Variants in PDZRN3 observed in about 807,000 individuals in gnomAD.
PDZRN3 encodes the protein E3 ubiquitin-protein ligase PDZRN3.
PDZRN3 carries 38 observed loss-of-function variants against 85.7 expected under a neutral mutation model. That is an observed-to-expected ratio of 0.44 (90% confidence interval 0.34 to 0.58). The LOEUF (loss-of-function observed/expected upper bound fraction) is 0.58. Ranked by LOEUF, PDZRN3 falls within the 20% of genes least tolerant of loss-of-function variation. The probability of loss-of-function intolerance (pLI) is 0.01; values close to 1 mark genes in which losing one functional copy is unlikely to be tolerated. For missense variants in PDZRN3, 1,629 were observed against 1,506.4 expected (o/e 1.08, Z -1.35); for synonymous variants, 759 against 638.0 (o/e 1.19, Z -2.86).
intron 3 of PDZRN3, among the ~76,000 whole-genome samples, chr3:73,430,923 G>A (rs963385973): frequency 3.3e-5 from 5 of 152,150 alleles, no homozygotes; most frequent in Non-Finnish European, 7.3e-5. Flanking sequence ...ACAGGCTAAA[G>A]TTTTCCAAAT....
intron 3 of PDZRN3, among the ~76,000 whole-genome samples, chr3:73,425,532 A>G (rs963985111): frequency 2.0e-5 from 3 of 152,032 alleles, no homozygotes; most frequent in African/African-American, 7.2e-5. Context: ...CTGTGAGTTA[A>G]AAACAGGATT....
chr3:73,624,001 T>G, intron 1 of PDZRN3, 102 bp downstream of exon 1: 1 of 1,158,370 alleles, frequency 8.6e-7, no homozygotes, highest in Non-Finnish European at 1.1e-6. Flanking sequence ...AGCAAGGATG[T>G]TCCCGGGAAG....
intron 3 of PDZRN3, among the ~76,000 whole-genome samples, chr3:73,553,681 T>C (rs571215779): frequency 2.3e-4 from 35 of 152,128 alleles, no homozygotes; most frequent in Non-Finnish European, 4.1e-4. Context: ...AGCCCTCTAA[T>C]GTCACAGTGT....
intron 3 of PDZRN3, among the ~76,000 whole-genome samples, chr3:73,479,410 C>T (rs563331256): frequency 2.6e-5 from 4 of 151,300 alleles, no homozygotes; most frequent in African/African-American, 9.7e-5. Context: ...AAAGTGACTT[C>T]CCTTTTCACT....
At chr3:73,491,276 C>G (rs1559706152) in intron 3 of PDZRN3, among the ~76,000 whole-genome samples, 1 of 152,170 alleles carries the variant, frequency 6.6e-6, no homozygotes, top group Non-Finnish European at 1.5e-5. Context: ...CTATAAATGA[C>G]TCAATGGTTC....
intron 3 of PDZRN3, among the ~76,000 whole-genome samples, chr3:73,478,811 C>T (rs990815065): frequency 6.6e-6 from 1 of 152,104 alleles, no homozygotes; most frequent in Admixed American, 6.5e-5. Flanking sequence ...TTGCTTTTTT[C>T]TTCACTGCAT....
intron 3 of PDZRN3, among the ~76,000 whole-genome samples, chr3:73,513,441 A>G (rs1404350777): frequency 1.3e-5 from 2 of 152,162 alleles, no homozygotes. Context: ...CTAATTCTGG[A>G]TACATCAGGC....
rs538089058 is a variant in PDZRN3 at position 73,457,498 on chromosome 3, T to C, written c.919-53103A>G. On this transcript the variant is annotated intron_variant, in intron 3 of 9. Coordinates refer to ENST00000263666, the MANE Select transcript of PDZRN3 (RefSeq NM_015009.3). ...TTGTTGGGTTCCAGAGAGAACCAAC[T>C]CTGGGATATTGACAGCCATACTCCT... is the stretch of plus-strand genomic sequence containing the variant. 8.5e-5 allele frequency among the ~76,000 whole-genome samples: 13 copies of C among 152,208 alleles called. No individual in the cohort carries two copies. The South Asian group carries it at 2.3e-3, about 27-fold the overall frequency.
chr3:73,544,485 T>C (rs1249119911), intron 3 of PDZRN3, among the ~76,000 whole-genome samples: 1 of 152,188 alleles, frequency 6.6e-6, no homozygotes, highest in Non-Finnish European at 1.5e-5. Flanking sequence ...GGTATGCTAG[T>C]TGATATGATA....
intron 3 of PDZRN3, among the ~76,000 whole-genome samples, chr3:73,511,364 C>G (rs1575700327): frequency 1.3e-5 from 2 of 152,252 alleles, no homozygotes; most frequent in East Asian, 1.9e-4. Flanking sequence ...AAAGATCATC[C>G]TTTATAAAAC....
At chr3:73,462,816 T>G (rs145130055) in intron 3 of PDZRN3, among the ~76,000 whole-genome samples, 1 of 152,174 alleles carries the variant, frequency 6.6e-6, no homozygotes, top group Non-Finnish European at 1.5e-5. Context: ...TTAGCACATT[T>G]AACATTTGCA....
chr3:73,398,827 T>C (rs1196312747), intron 5 of PDZRN3, among the ~76,000 whole-genome samples: 2 of 152,220 alleles, frequency 1.3e-5, no homozygotes, highest in African/African-American at 2.4e-5. Context: ...TGGGATTTTC[T>C]ATTTAAGGCA....
intron 1 of PDZRN3, among the ~76,000 whole-genome samples, chr3:73,611,866 C>T (rs1702689860): frequency 6.6e-6 from 1 of 152,138 alleles, no homozygotes; most frequent in South Asian, 2.1e-4. Flanking sequence ...CCCATTTAAC[C>T]TGTTCCTAGG....
chr3:73,400,448 T>A (rs1305520164), intron 5 of PDZRN3, among the ~76,000 whole-genome samples: 2 of 152,352 alleles, frequency 1.3e-5, no homozygotes, highest in African/African-American at 4.8e-5. Flanking sequence ...GTTTAATTTC[T>A]TCTGTATCAA....
intron 1 of PDZRN3, among the ~76,000 whole-genome samples, chr3:73,622,077 C>A (rs1163047918): frequency 2.0e-5 from 3 of 152,210 alleles, no homozygotes; most frequent in Non-Finnish European, 2.9e-5. Context: ...GCATAAACAG[C>A]AGAAACTCGG....
At chr3:73,403,694 G>A (rs555892823) in intron 4 of PDZRN3, among the ~76,000 whole-genome samples, 1 of 152,146 alleles carries the variant, frequency 6.6e-6, no homozygotes, top group Admixed American at 6.5e-5. Flanking sequence ...ACTTAGATGA[G>A]GCATGTGCGG....
At chr3:73,536,388 T>C (rs1461088772) in intron 3 of PDZRN3, among the ~76,000 whole-genome samples, 1 of 152,248 alleles carries the variant, frequency 6.6e-6, no homozygotes, top group African/African-American at 2.4e-5. Context: ...CCAGCAGTAC[T>C]GCTTGTGGTG....
At chr3:73,494,477 C>G (rs1703830912) in intron 3 of PDZRN3, among the ~76,000 whole-genome samples, 1 of 152,156 alleles carries the variant, frequency 6.6e-6, no homozygotes, top group South Asian at 2.1e-4. Context: ...CTACATCTGC[C>G]TTATGGAAAG....
At chr3:73,417,847 T>C (rs1702123490) in intron 3 of PDZRN3, among the ~76,000 whole-genome samples, 1 of 152,212 alleles carries the variant, frequency 6.6e-6, no homozygotes, top group Non-Finnish European at 1.5e-5. Context: ...TCCATTGAAA[T>C]GTGCAATCAC....
Sources: allele counts gnomAD v4.1 joint callset (sites outside exome capture counted in the v4.1 genomes callset), GRCh38; gene constraint gnomAD v4.1.1; transcripts MANE v1.5; gene names NCBI Gene and HGNC (gene_info 2026-07-23, HGNC 2026-07-21).